The following ACP1 variants were observed in gnomAD, a reference collection of about 807,000 sequenced individuals.
ACP1 encodes the protein low molecular weight phosphotyrosine protein phosphatase.
A neutral mutation model predicts 23.4 loss-of-function variants in ACP1; 23 were observed. The ratio of observed to expected loss-of-function variants is 0.98; its 90% CI spans 0.71 to 1.39. The LOEUF (loss-of-function observed/expected upper bound fraction) is 1.39, where lower values mean the gene tolerates loss of function less well. ACP1 is among the 40% of genes most tolerant of loss of function. The pLI, the probability that ACP1 is intolerant of heterozygous loss-of-function variation, is 0.00. For synonymous variants in ACP1, 72 were observed against 67.2 expected (o/e 1.07, Z -0.35); for missense variants, 180 against 197.7 (o/e 0.91, Z 0.54).
In ACP1 at chr2:272,253, C is replaced by G. The variant is rs752064868; in HGVS notation, c.231+103C>G. ...GTGGGCCGGTCCCCAGACCCAAGAGCTGTGAGCTGCCTAAGAAATCATGGC... is the reference window on the plus strand; with the variant it reads ...GTGGGCCGGTCCCCAGACCCAAGAGGTGTGAGCTGCCTAAGAAATCATGGC... On this transcript the variant is annotated intron_variant, in intron 3 of 5. Coordinates refer to ENST00000272065, the MANE Select transcript of ACP1 (RefSeq NM_004300.4). The G allele has an allele frequency of 5.0e-6, 8 of 1,614,052 alleles. No individual in the cohort carries two copies. The African/African-American group carries it at 9.3e-5, about 19-fold the overall frequency.
chr2:267,334 G>C (rs1669917804), intron 1 of ACP1, among the ~76,000 whole-genome samples: 1 of 152,206 alleles, frequency 6.6e-6, no homozygotes, highest in South Asian at 2.1e-4. Flanking sequence ...CGTTCTCTCA[G>C]TCACCAGCAA....
intron 1 of ACP1, among the ~76,000 whole-genome samples, chr2:267,789 C>T (rs371874298): frequency 4.6e-5 from 7 of 152,274 alleles, no homozygotes; most frequent in African/African-American, 1.4e-4. Flanking sequence ...GTTTAAAGAA[C>T]CAGATTATAA....
At position 272,465 on chromosome 2, in the gene ACP1, TGAAA is replaced by T. The variant is rs1188214474; in HGVS notation, c.231+318_231+321del. The T allele has an allele frequency of 7.0e-6, 10 of 1,436,938 alleles. No homozygotes were observed. In the East Asian group the frequency reaches 2.5e-4, roughly 36 times the overall value. The allele number at this position is 1,436,938 out of a possible 1,614,324, so 89.0% of individuals were successfully genotyped here. A position where few individuals can be genotyped will look rare whatever the true frequency, so the allele number is the denominator to read the frequency against. On this transcript the variant is annotated intron_variant, in intron 3 of 5. Coordinates refer to ENST00000272065, the MANE Select transcript of ACP1 (RefSeq NM_004300.4). Reference sequence around the variant, plus strand: ...TGTTTCACTTCTGGTTGCACGGTGTTGAAAGACTTGCCTGACTTTGGAATTTACT... The same window carrying T: ...TGTTTCACTTCTGGTTGCACGGTGTTGACTTGCCTGACTTTGGAATTTACT...
At chr2:265,165 G>C (rs944865116) in intron 1 of ACP1, 158 bp downstream of exon 1, 24 of 781,918 alleles carry the variant, frequency 3.1e-5, no homozygotes, top group Non-Finnish European at 4.6e-5. Flanking sequence ...CAGCGCCCCT[G>C]TTCCCCATCC....
Position 277,621 on chromosome 2 carries a change from G to C in ACP1, c.*317G>C. 1 of 357,092 alleles carries C rather than the reference G, an allele frequency of 2.8e-6. No individual in the cohort carries two copies. The allele number at this position is 357,092 out of a possible 1,614,324, so 22.1% of individuals were successfully genotyped here. ...CAATGAAGGAAAACCTCACTTGAAG[G>C]CCCAGGTCAACATCTAAGCCTGTTG... On this transcript the variant is annotated 3_prime_UTR_variant, in exon 6 of 6. Transcript: ENST00000272065.
intron 2 of ACP1, 41 bp from the exon 3 acceptor site, chr2:271,996 T>C (rs755816332): frequency 7.5e-7 from 1 of 1,341,186 alleles, no homozygotes; most frequent in Non-Finnish European, 1.0e-6. Context: ...GGCAGGAAAT[T>C]GCAAAAAAAA....
chr2:270,327 C>G (rs972606411), intron 1 of ACP1, among the ~76,000 whole-genome samples: 2 of 152,208 alleles, frequency 1.3e-5, no homozygotes, highest in Non-Finnish European at 2.9e-5. Context: ...TGTTTTAGGG[C>G]TCCTGTATAC....
chr2:265,527 T>C (rs1294344952), intron 1 of ACP1, among the ~76,000 whole-genome samples: 1 of 152,240 alleles, frequency 6.6e-6, no homozygotes, highest in East Asian at 1.9e-4. Context: ...CTATATAACT[T>C]TGGCCCATGA....
chr2:274,395 TA>T (rs1391298943), intron 3 of ACP1, among the ~76,000 whole-genome samples: 26 of 152,224 alleles, frequency 1.7e-4, no homozygotes, highest in Admixed American at 1.5e-3. Context: ...ATTCACAAAA[TA>T]ATCTTTTCAT....
intron 3 of ACP1, chr2:274,814 G>A (rs1670130641): frequency 5.9e-6 from 1 of 169,786 alleles, no homozygotes; most frequent in Non-Finnish European, 1.2e-5. Flanking sequence ...ATAATGAAGG[G>A]GATTAAATAT....
intron 1 of ACP1, chr2:265,281 A>G (rs1406377093): frequency 2.3e-5 from 10 of 430,448 alleles, no homozygotes; most frequent in South Asian, 3.9e-5. Context: ...AAGCCAAGGT[A>G]CTTTCTTTGC....
chr2:272,900 C>G (rs1670084779), intron 3 of ACP1: 1 of 154,724 alleles, frequency 6.5e-6, no homozygotes, highest in Non-Finnish European at 1.5e-5. Context: ...TACTCTGGGA[C>G]TGACCTTTTC....
At chr2:267,081 A>T (rs1669910776) in intron 1 of ACP1, among the ~76,000 whole-genome samples, 8 of 152,190 alleles carry the variant, frequency 5.3e-5, no homozygotes, top group Admixed American at 5.2e-4. Flanking sequence ...TTATCCTGCT[A>T]CTCAGAACAG....
At chr2:272,745 T>G (rs1429558898) in intron 3 of ACP1, 9 of 175,522 alleles carry the variant, frequency 5.1e-5, no homozygotes, top group Non-Finnish European at 1.1e-4. Flanking sequence ...GGATATATAA[T>G]TATAGTCTAT....
rs1670219538 is a variant in ACP1, at chr2:277,857, A to G, written c.*553A>G. 1 of 153,024 alleles carries G rather than the reference A, an allele frequency of 6.5e-6. No homozygotes were observed. Among genetic ancestry groups the G allele is most frequent in the African/African-American group, 2.4e-5 (1 of 41,472 alleles). 9.5% of individuals were successfully genotyped at this position (153,024 alleles called of 1,614,324 possible). ...CACTTGTATATTGAAAAGATAGGGAAGAGAGAAACATTTATGGAATCAGTC... is the reference window on the plus strand; with the variant it reads ...CACTTGTATATTGAAAAGATAGGGAGGAGAGAAACATTTATGGAATCAGTC... On this transcript the variant is annotated 3_prime_UTR_variant, in exon 6 of 6. Transcript: ENST00000272065.
At chr2:278,282 AAT>A (rs1670231339) in exon 6 of ACP1, 1 of 152,222 alleles carries the variant, frequency 6.6e-6, no homozygotes, top group Non-Finnish European at 1.5e-5. Flanking sequence ...TAGAGATATA[AAT>A]CTGGTGTCTG....
At chr2:272,452 G>C in intron 3 of ACP1, 1 of 1,442,106 alleles carries the variant, frequency 6.9e-7, no homozygotes. Flanking sequence ...TTTCACTTCT[G>C]GTTGCACGGT....
At chr2:272,551 T>C (rs1670075704) in intron 3 of ACP1, 2 of 1,250,716 alleles carry the variant, frequency 1.6e-6, no homozygotes, top group South Asian at 3.4e-5. Context: ...GACTGTGAGC[T>C]GGGGCTGAGC....
At chr2:265,196 C>A in intron 1 of ACP1, 189 bp downstream of exon 1, 1 of 583,250 alleles carries the variant, frequency 1.7e-6, no homozygotes, top group Non-Finnish European at 2.8e-6. Context: ...CCCGCCCAGC[C>A]TGCCCGCTAA....
Sources: gnomAD v4.1 joint callset for allele counts (sites outside exome capture counted in the v4.1 genomes callset) on GRCh38, gnomAD v4.1.1 for gene constraint, MANE v1.5 for transcripts, NCBI Gene and HGNC (gene_info 2026-07-23, HGNC 2026-07-21) for gene names.